Variants in C12orf42 observed in about 807,000 individuals in gnomAD.
C12orf42 encodes the protein chromosome 12 open reading frame 42.
In C12orf42, 25 loss-of-function variants were observed where a neutral mutation model predicts 21.6. The observed-to-expected ratio is 1.16, with a 90% CI of 0.84 to 1.62. The LOEUF (loss-of-function observed/expected upper bound fraction) is 1.62. C12orf42 is among the 40% of genes most tolerant of loss of function. C12orf42 has a pLI of 0.00. For missense variants in C12orf42, 483 were observed against 459.3 expected (o/e 1.05, Z -0.47); for synonymous variants, 174 against 175.0 (o/e 0.99, Z 0.05).
intron 3 of C12orf42, among the ~76,000 whole-genome samples, chr12:103,376,644 G>A (rs2045723304): frequency 6.6e-6 from 1 of 151,974 alleles, no homozygotes; most frequent in African/African-American, 2.4e-5. Flanking sequence ...ATGTTCCTTT[G>A]TTTGTGAGCT....
chr12:103,076,808 C>T, the C12orf42 span, among the ~76,000 whole-genome samples: 1 of 152,068 alleles, frequency 6.6e-6, no homozygotes, highest in Non-Finnish European at 1.5e-5. Context: ...TATACCAACC[C>T]TATAATTAGG....
Position 103,305,578 on chromosome 12 carries a change from C to T in C12orf42, c.631+396G>A, listed in dbSNP as rs902350910. 1.3e-5 allele frequency among the ~76,000 whole-genome samples: 2 copies of T among 152,094 alleles called. 1 individual carries two copies. The highest frequency in any genetic ancestry group is 1.3e-4 in the Admixed American group (2 of 15,266). On this transcript the variant is annotated intron_variant, in intron 5 of 5. Transcript: ENST00000548883. The stretch of plus-strand genomic sequence containing the variant: ...CCTCCTATATCCTGTGCTATGAATT[C>T]ACAACTTCCTTGTCTGTAAAATGGG...
chr12:103,228,646 G>A, the C12orf42 span, among the ~76,000 whole-genome samples: 1 of 151,962 alleles, frequency 6.6e-6, no homozygotes, highest in East Asian at 1.9e-4. Context: ...TGAAGGGAAG[G>A]CTTCTGTCCT....
chr12:103,471,082 G>A (rs10861021), intron 2 of C12orf42, among the ~76,000 whole-genome samples: 3,960 of 152,180 alleles, frequency 0.026, 152 homozygotes, highest in African/African-American at 0.089. Flanking sequence ...AAAAAGAGGT[G>A]AAATAGATCA....
intron 2 of C12orf42, among the ~76,000 whole-genome samples, chr12:103,474,392 T>C (rs558296777): frequency 5.7e-4 from 86 of 152,050 alleles, no homozygotes; most frequent in Non-Finnish European, 6.8e-4. Context: ...TGAATATATA[T>C]ATATATATTC....
chr12:103,224,935 G>A, the C12orf42 span, among the ~76,000 whole-genome samples: 3 of 152,204 alleles, frequency 2.0e-5, no homozygotes, highest in East Asian at 5.8e-4. Context: ...AATCGGACAC[G>A]ATCAGCAGGG....
chr12:103,393,490 G>C (rs147631239), intron 3 of C12orf42, among the ~76,000 whole-genome samples: 1 of 152,228 alleles, frequency 6.6e-6, no homozygotes, highest in African/African-American at 2.4e-5. Flanking sequence ...ATGAGATTTG[G>C]AGGAGACATC....
At chr12:103,540,566 T>C in the C12orf42 span, among the ~76,000 whole-genome samples, 1 of 152,188 alleles carries the variant, frequency 6.6e-6, no homozygotes, top group Admixed American at 6.5e-5. Context: ...TTATTTCTCA[T>C]AGTGTTTTTT....
chr12:103,185,278 G>A, the C12orf42 span, among the ~76,000 whole-genome samples: 1 of 152,022 alleles, frequency 6.6e-6, no homozygotes, highest in Non-Finnish European at 1.5e-5. Context: ...CCTGTGCTTG[G>A]GCTAAGCTAG....
At chr12:103,545,073 T>C in the C12orf42 span, among the ~76,000 whole-genome samples, 1 of 152,198 alleles carries the variant, frequency 6.6e-6, no homozygotes, top group Non-Finnish European at 1.5e-5. Context: ...AAATGGAAAG[T>C]GTCTTTAGTA....
At position 103,384,726 on chromosome 12, in the gene C12orf42, T is replaced by C. The variant is rs527745064; in HGVS notation, c.148-15728A>G. 1.4e-4 allele frequency among the ~76,000 whole-genome samples: 22 copies of C among 152,274 alleles called. No homozygotes were observed. In the South Asian group the frequency reaches 4.3e-3, roughly 30 times the overall value. On this transcript the variant is annotated intron_variant, in intron 3 of 5. Coordinates refer to ENST00000548883, the MANE Select transcript of C12orf42 (RefSeq NM_198521.5). ...AGGAATTACACAGTTATCCCAGAGC[T>C]AGAACATGCACAGAACATAGCACAC... is the stretch of plus-strand genomic sequence containing the variant.
intron 1 of C12orf42, among the ~76,000 whole-genome samples, chr12:103,485,879 T>C (rs1954798336): frequency 6.6e-6 from 1 of 152,162 alleles, no homozygotes; most frequent in African/African-American, 2.4e-5. Context: ...GGGGCTGAGA[T>C]GATGGGGTTT....
At chr12:103,106,184 G>A in the C12orf42 span, among the ~76,000 whole-genome samples, 1 of 152,054 alleles carries the variant, frequency 6.6e-6, no homozygotes, top group Non-Finnish European at 1.5e-5. Flanking sequence ...ATAGAAGTCA[G>A]AAGATAATGA....
At chr12:103,053,122 T>C in the C12orf42 span, among the ~76,000 whole-genome samples, 1 of 152,070 alleles carries the variant, frequency 6.6e-6, no homozygotes, top group Non-Finnish European at 1.5e-5. Context: ...GACAAATCTT[T>C]GCCCTTTGCA....
At chr12:103,360,281 C>G (rs550171900) in intron 4 of C12orf42, among the ~76,000 whole-genome samples, 1 of 151,766 alleles carries the variant, frequency 6.6e-6, no homozygotes, top group African/African-American at 2.4e-5. Flanking sequence ...CTAATCACCA[C>G]CTACTAGCAG....
the C12orf42 span, among the ~76,000 whole-genome samples, chr12:103,507,235 A>T: frequency 1.8e-5 from 1 of 57,040 alleles, no homozygotes; most frequent in African/African-American, 1.0e-4. Context: ...ATAAATATAT[A>T]TATATTATAT....
At chr12:103,527,555 C>T in the C12orf42 span, among the ~76,000 whole-genome samples, 1 of 152,282 alleles carries the variant, frequency 6.6e-6, no homozygotes, top group South Asian at 2.1e-4. Context: ...ATTGTTCATG[C>T]TATCATGAGT....
the C12orf42 span, among the ~76,000 whole-genome samples, chr12:103,048,526 A>G: frequency 6.6e-6 from 1 of 152,036 alleles, no homozygotes; most frequent in East Asian, 1.9e-4. Flanking sequence ...CTCAGATCTG[A>G]TTTTTATAAT....
downstream of C12orf42, among the ~76,000 whole-genome samples, chr12:103,300,566 T>C (rs1162613419): frequency 6.6e-6 from 1 of 152,232 alleles, no homozygotes; most frequent in East Asian, 1.9e-4. Flanking sequence ...ATCTACTATA[T>C]CAAGTACATT....
Sources: allele counts gnomAD v4.1 joint callset (sites outside exome capture counted in the v4.1 genomes callset), GRCh38; gene constraint gnomAD v4.1.1; transcripts MANE v1.5; gene names NCBI Gene and HGNC (gene_info 2026-07-23, HGNC 2026-07-21).